Variants in GRIK4 observed in about 807,000 individuals in gnomAD.
GRIK4 encodes glutamate receptor ionotropic, kainate 4.
Under a neutral mutation model 104.9 loss-of-function variants are expected in GRIK4, and 40 were observed. The ratio of observed to expected loss-of-function variants is 0.38; its 90% CI spans 0.30 to 0.50. The LOEUF (loss-of-function observed/expected upper bound fraction) is 0.50, where lower values mean the gene tolerates loss of function less well. Among genes scored for constraint, GRIK4 ranks in the 20% least tolerant of loss-of-function variants. The pLI, the probability that GRIK4 is intolerant of heterozygous loss-of-function variation, is 0.93. For missense variants in GRIK4, 1,047 were observed against 1,308.1 expected (o/e 0.80, Z 3.08); for synonymous variants, 485 against 524.9 (o/e 0.92, Z 1.04).
intron 1 of GRIK4, among the ~76,000 whole-genome samples, chr11:120,653,386 C>G (rs1949648602): frequency 6.6e-6 from 1 of 152,144 alleles, no homozygotes; most frequent in Non-Finnish European, 1.5e-5. Context: ...AAGGACACAT[C>G]CTGGGCAGGT....
At chr11:120,880,839 A>G (rs1954950633) in intron 11 of GRIK4, among the ~76,000 whole-genome samples, 2 of 152,076 alleles carry the variant, frequency 1.3e-5, no homozygotes, top group African/African-American at 4.8e-5. Flanking sequence ...ATTTTACTTC[A>G]TTCACTTACT....
chr11:120,954,055 T>C (rs1322394298), intron 15 of GRIK4, among the ~76,000 whole-genome samples: 1 of 152,084 alleles, frequency 6.6e-6, no homozygotes, highest in Non-Finnish European at 1.5e-5. Flanking sequence ...GGTCTTCCCC[T>C]AGGGCACGTT....
At position 120,646,236 on chromosome 11, in the gene GRIK4, CATACTGCTAAGATCGCAGCTA is replaced by C. The variant is rs1321395949; in HGVS notation, c.-158-7445_-158-7425del. 3.3e-5 allele frequency among the ~76,000 whole-genome samples: 5 copies of C among 152,322 alleles called. No homozygotes were observed. The South Asian group carries it at 1.0e-3, about 32-fold the overall frequency. ...ACATTGAGCACTTGCTATTTGCAGG[CATACTGCTAAGATCGCAGCTA>C]ATATTTGACAGCAACCTTAGGAATG... On this transcript the variant is annotated intron_variant, in intron 1 of 20. Coordinates refer to ENST00000527524, the MANE Select transcript of GRIK4 (RefSeq NM_014619.5).
At chr11:120,880,011 G>A (rs1030463361) in intron 11 of GRIK4, among the ~76,000 whole-genome samples, 1 of 152,184 alleles carries the variant, frequency 6.6e-6, no homozygotes, top group Admixed American at 6.5e-5. Flanking sequence ...TAAGATGAGC[G>A]TATCTTTCAT....
At chr11:120,526,308 C>G (rs1463764551) in intron 1 of GRIK4, among the ~76,000 whole-genome samples, 1 of 152,094 alleles carries the variant, frequency 6.6e-6, no homozygotes, top group Admixed American at 6.5e-5. Flanking sequence ...CACCCTGGCA[C>G]CCGCCCTCTC....
intron 3 of GRIK4, among the ~76,000 whole-genome samples, chr11:120,718,902 T>C (rs1375352730): frequency 6.6e-6 from 1 of 152,248 alleles, no homozygotes; most frequent in Non-Finnish European, 1.5e-5. Flanking sequence ...CAGGACTGGC[T>C]AAGCCCTGTT....
intron 3 of GRIK4, among the ~76,000 whole-genome samples, chr11:120,670,008 T>C (rs1949987918): frequency 6.6e-6 from 1 of 152,246 alleles, no homozygotes; most frequent in South Asian, 2.1e-4. Context: ...TCCTACTGTC[T>C]ACTCATTTCA....
At chr11:120,936,223 CT>C (rs1279506083) in intron 13 of GRIK4, 2 of 423,274 alleles carry the variant, frequency 4.7e-6, no homozygotes, top group Non-Finnish European at 4.6e-6. Context: ...TCACAGCCCT[CT>C]TTTCATATGG....
At chr11:120,907,528 T>A (rs1258484010) in intron 13 of GRIK4, among the ~76,000 whole-genome samples, 1 of 152,176 alleles carries the variant, frequency 6.6e-6, no homozygotes, top group Non-Finnish European at 1.5e-5. Flanking sequence ...AATTAACCCA[T>A]TAATTCAATA....
intron 8 of GRIK4, among the ~76,000 whole-genome samples, chr11:120,844,147 C>A (rs182762981): frequency 6.6e-6 from 1 of 152,266 alleles, no homozygotes; most frequent in East Asian, 1.9e-4. Flanking sequence ...GGACCCAGGG[C>A]AGACAGAGAG....
intron 1 of GRIK4, among the ~76,000 whole-genome samples, chr11:120,606,854 G>A (rs1271429272): frequency 3.3e-5 from 5 of 152,226 alleles, no homozygotes; most frequent in African/African-American, 9.6e-5. Context: ...CAGTCAGGGC[G>A]TGCTGCTGGA....
At chr11:120,518,378 C>T (rs926545273) in intron 1 of GRIK4, among the ~76,000 whole-genome samples, 2 of 152,138 alleles carry the variant, frequency 1.3e-5, no homozygotes, top group Non-Finnish European at 2.9e-5. Flanking sequence ...CAGTCCGGTT[C>T]CTAAGACTCT....
chr11:120,740,246 A>G (rs977512636), intron 3 of GRIK4, among the ~76,000 whole-genome samples: 17 of 152,202 alleles, frequency 1.1e-4, no homozygotes, highest in African/African-American at 4.1e-4. Flanking sequence ...TGAGCATAGC[A>G]TGGGGTTGTA....
chr11:120,542,244 T>G (rs577703994), intron 1 of GRIK4, among the ~76,000 whole-genome samples: 2 of 152,358 alleles, frequency 1.3e-5, no homozygotes, highest in South Asian at 4.1e-4. Flanking sequence ...GAAAACTGGA[T>G]ATTCACATGC....
At chr11:120,723,148 A>G (rs1279911006) in intron 3 of GRIK4, among the ~76,000 whole-genome samples, 1 of 152,140 alleles carries the variant, frequency 6.6e-6, no homozygotes, top group Non-Finnish European at 1.5e-5. Context: ...TTTTATGTCA[A>G]TGTCTCTCTA....
At chr11:120,923,497 C>T (rs1265756416) in intron 13 of GRIK4, among the ~76,000 whole-genome samples, 1 of 148,084 alleles carries the variant, frequency 6.8e-6, no homozygotes, top group African/African-American at 2.5e-5. Flanking sequence ...ACTGCAAGCT[C>T]CGCCTCCCGG....
chr11:120,942,202 A>G (rs1172179582), intron 14 of GRIK4, among the ~76,000 whole-genome samples: 1 of 152,224 alleles, frequency 6.6e-6, no homozygotes, highest in Non-Finnish European at 1.5e-5. Flanking sequence ...TTCCCAATTT[A>G]TAGACATGGA....
At chr11:120,831,254 T>A (rs1953420258) in intron 6 of GRIK4, among the ~76,000 whole-genome samples, 1 of 152,206 alleles carries the variant, frequency 6.6e-6, no homozygotes, top group Admixed American at 6.5e-5. Flanking sequence ...GAATTGCTCC[T>A]CCACCTCCAA....
intron 3 of GRIK4, among the ~76,000 whole-genome samples, chr11:120,787,852 C>T (rs866374806): frequency 0.011 from 864 of 76,954 alleles, 18 homozygotes; most frequent in African/African-American, 0.045. Flanking sequence ...CTTTTCTTTT[C>T]TTTTTTTTTT....
Sources: gnomAD v4.1 joint callset for allele counts (sites outside exome capture counted in the v4.1 genomes callset) on GRCh38, gnomAD v4.1.1 for gene constraint, MANE v1.5 for transcripts, NCBI Gene and HGNC (gene_info 2026-07-23, HGNC 2026-07-21) for gene names.